The following TSEN2 variants were observed in gnomAD, a reference collection of about 807,000 sequenced individuals.
The protein encoded by TSEN2 is tRNA-splicing endonuclease subunit Sen2.
Under a neutral mutation model 59.2 loss-of-function variants are expected in TSEN2, and 54 were observed. That is an observed-to-expected ratio of 0.91 (90% CI 0.73 to 1.14). TSEN2 has a LOEUF of 1.14. TSEN2 is among the 50% of genes most tolerant of loss of function. The pLI is 0.00. For missense variants in TSEN2, 636 were observed against 576.2 expected, an observed-to-expected ratio of 1.10 and a Z score of -1.06; for synonymous variants, 195 against 198.2, an observed-to-expected ratio of 0.98 and a Z score of 0.14.
chr3:12,492,157 C>G lies in TSEN2; in HGVS notation c.211C>G (p.Leu71Val), dbSNP rs769963934. ...YGKGYFGKGI[L>V]SRSRPSFTIS... ...GAAGGGTTATTTTGGAAAAGGTATT[C>G]TTTCAAGAAGCCGTCCAAGCTTCAC... The change falls in exon 3 of 12, where the codon CTT becomes GTT. Residue 71 changes from leucine (L) to valine (V), a missense_variant. By Grantham distance (32) the Leu-to-Val change is conservative. Coordinates refer to ENST00000284995, the MANE Select transcript of TSEN2 (RefSeq NM_025265.4). The G allele has an allele frequency of 4.3e-6, 7 of 1,614,072 alleles. No homozygotes were observed. In the South Asian group the frequency reaches 7.7e-5, roughly 18 times the overall value.
chr3:12,527,523 G>A (rs1451524058), intron 8 of TSEN2, among the ~76,000 whole-genome samples: 2 of 148,474 alleles, frequency 1.3e-5, no homozygotes, highest in African/African-American at 5.0e-5. Context: ...GCGGGATCTC[G>A]GCTCACTGCA....
chr3:12,519,985 G>A (rs987680595), intron 8 of TSEN2, among the ~76,000 whole-genome samples: 1 of 152,060 alleles, frequency 6.6e-6, no homozygotes, highest in South Asian at 2.1e-4. Context: ...GTCCTATGCA[G>A]TGGAGACGCT....
intron 6 of TSEN2, among the ~76,000 whole-genome samples, chr3:12,507,434 G>A (rs1245423984): frequency 6.6e-6 from 1 of 152,188 alleles, no homozygotes; most frequent in East Asian, 1.9e-4. Flanking sequence ...CTTGTTCATA[G>A]GATGTTCTGG....
chr3:12,527,536 C>T (rs35067980), intron 8 of TSEN2, among the ~76,000 whole-genome samples: 13,797 of 150,600 alleles, frequency 0.092, 784 homozygotes, highest in Admixed American at 0.17. Context: ...TCACTGCAAG[C>T]TCCGCCTCCC....
At chr3:12,491,481 G>A (rs1388490701) in intron 2 of TSEN2, among the ~76,000 whole-genome samples, 1 of 152,166 alleles carries the variant, frequency 6.6e-6, no homozygotes, top group East Asian at 1.9e-4. Flanking sequence ...GACCTAGTGG[G>A]CAGCATGGCT....
At chr3:12,499,046 C>T (rs569829073) in intron 4 of TSEN2, among the ~76,000 whole-genome samples, 1 of 152,300 alleles carries the variant, frequency 6.6e-6, no homozygotes, top group African/African-American at 2.4e-5. Context: ...AGGTGTGAGC[C>T]ACTGCACCTG....
intron 4 of TSEN2, 101 bp downstream of exon 4, chr3:12,496,655 T>C (rs1303300373): frequency 2.4e-6 from 3 of 1,240,798 alleles, no homozygotes; most frequent in East Asian, 4.7e-5. Flanking sequence ...CACCTTTTTT[T>C]CTTTCTGTTT....
intron 3 of TSEN2, among the ~76,000 whole-genome samples, chr3:12,492,510 T>G (rs998387997): frequency 2.6e-5 from 4 of 152,238 alleles, no homozygotes; most frequent in Non-Finnish European, 4.4e-5. Context: ...CCTGCTCACC[T>G]GTGGCACTAT....
intron 8 of TSEN2, among the ~76,000 whole-genome samples, chr3:12,519,516 T>C (rs952838920): frequency 6.6e-6 from 1 of 152,124 alleles, no homozygotes; most frequent in African/African-American, 2.4e-5. Flanking sequence ...GAGGCCAAGG[T>C]GGGTGGATCA....
chr3:12,494,167 C>T (rs1334275264), intron 3 of TSEN2, among the ~76,000 whole-genome samples: 1 of 152,158 alleles, frequency 6.6e-6, no homozygotes, highest in Non-Finnish European at 1.5e-5. Context: ...TCATGCAACA[C>T]TGTAATATCC....
chr3:12,481,897 A>ATGTGTGTGTGTGTGTGTG (rs151178256), upstream of TSEN2, among the ~76,000 whole-genome samples: 2 of 150,014 alleles, frequency 1.3e-5, no homozygotes, highest in Admixed American at 1.3e-4. Context: ...CAGTTGATAT[A>ATGTGTGTGTGTGTGTGTG]TGTGTGTGTG....
chr3:12,498,908 T>G (rs2054016424), intron 4 of TSEN2, among the ~76,000 whole-genome samples: 2 of 152,236 alleles, frequency 1.3e-5, no homozygotes, highest in Admixed American at 1.3e-4. Context: ...ATTTTTCAAC[T>G]TAAATACTTG....
rs759736895 is a variant in TSEN2, at chr3:12,539,139, T to G, written c.1261-22T>G. 4.4e-5 allele frequency: 18 copies of G among 404,520 alleles called. No individual in the cohort carries two copies. In the Admixed American group the frequency reaches 4.9e-4, roughly 11 times the overall value. 25.1% of individuals were successfully genotyped at this position (404,520 alleles called of 1,614,324 possible). A position where few individuals can be genotyped will look rare whatever the true frequency, so the allele number is the denominator to read the frequency against. Reference sequence around the variant, plus strand: ...ATGAGCTTACCATGTGCTTTTTTCTTTTTTTTTTTCTTGTGATGTAGTCTC... The same window carrying G: ...ATGAGCTTACCATGTGCTTTTTTCTGTTTTTTTTTCTTGTGATGTAGTCTC... On this transcript the variant is annotated intron_variant, in intron 10 of 10. Coordinates refer to the TSEN2 transcript ENST00000412698.
At chr3:12,508,172 G>T (rs576573774) in intron 6 of TSEN2, among the ~76,000 whole-genome samples, 1 of 152,310 alleles carries the variant, frequency 6.6e-6, no homozygotes, top group East Asian at 1.9e-4. Context: ...GATGCTGGGA[G>T]TTCAGCTGCA....
At chr3:12,502,262 C>T (rs1462649559) in intron 4 of TSEN2, among the ~76,000 whole-genome samples, 1 of 152,136 alleles carries the variant, frequency 6.6e-6, no homozygotes, top group Admixed American at 6.6e-5. Flanking sequence ...TAATACAAAA[C>T]AAGCTGAGAG....
upstream of TSEN2, among the ~76,000 whole-genome samples, chr3:12,481,532 T>C (rs1201114731): frequency 6.6e-6 from 1 of 152,084 alleles, no homozygotes; most frequent in East Asian, 1.9e-4. Flanking sequence ...GATTTAACTG[T>C]TTAAAATGGC....
rs2057454778 is a variant in TSEN2 at position 12,531,471 on chromosome 3, A to G, written c.1249-99A>G. 4.0e-6 allele frequency: 3 copies of G among 744,290 alleles called. No homozygotes were observed. In the African/African-American group the frequency reaches 5.1e-5, roughly 13 times the overall value. 46.1% of individuals were successfully genotyped at this position (744,290 alleles called of 1,614,324 possible). On this transcript the variant is annotated intron_variant, in intron 10 of 11. Coordinates refer to ENST00000284995, the MANE Select transcript of TSEN2 (RefSeq NM_025265.4). The stretch of plus-strand genomic sequence containing the variant: ...CTGTGAGTTTCCACTTGGAGTGCAC[A>G]GTGAGAGGGACTGGAGACCACCTGC...
At chr3:12,507,421 C>T (rs1216153933) in intron 6 of TSEN2, among the ~76,000 whole-genome samples, 2 of 152,172 alleles carry the variant, frequency 1.3e-5, no homozygotes, top group Non-Finnish European at 2.9e-5. Flanking sequence ...GGCTATGTAA[C>T]ATCTTGTTCA....
chr3:12,513,906 C>T (rs1381746422), intron 6 of TSEN2, among the ~76,000 whole-genome samples: 1 of 152,204 alleles, frequency 6.6e-6, no homozygotes, highest in East Asian at 1.9e-4. Context: ...GAGTGAGGTG[C>T]AGAGACCTGC....
Sources: allele counts gnomAD v4.1 joint callset (sites outside exome capture counted in the v4.1 genomes callset), GRCh38; gene constraint gnomAD v4.1.1; transcripts MANE v1.5; gene names NCBI Gene and HGNC (gene_info 2026-07-23, HGNC 2026-07-21).